The following ZNF407 variants were observed in gnomAD, a reference collection of about 807,000 sequenced individuals.
The protein encoded by ZNF407 is zinc finger protein 407.
A neutral mutation model predicts 131.2 loss-of-function variants in ZNF407; 17 were observed. That is an observed-to-expected ratio of 0.13 (90% CI 0.09 to 0.19). The LOEUF is 0.19. Ranked by LOEUF, ZNF407 falls within the 10% of genes least tolerant of loss-of-function variation. ZNF407 has a pLI of 1.00. For missense variants in ZNF407, 2,681 were observed against 2,830.6 expected, an observed-to-expected ratio of 0.95 and a Z score of 1.20; for synonymous variants, 1,156 against 1,062.0, an observed-to-expected ratio of 1.09 and a Z score of -1.72.
At chr18:74,618,300 G>A (rs1983396971) in intron 1 of ZNF407, among the ~76,000 whole-genome samples, 1 of 152,106 alleles carries the variant, frequency 6.6e-6, no homozygotes, top group African/African-American at 2.4e-5. Flanking sequence ...GCTTTCAGTT[G>A]GGCATAGTAC....
At chr18:75,020,415 A>G (rs896757229) in intron 8 of ZNF407, among the ~76,000 whole-genome samples, 1 of 152,110 alleles carries the variant, frequency 6.6e-6, no homozygotes, top group African/African-American at 2.4e-5. Context: ...TTCCCTGCAC[A>G]TAAGGGCACT....
chr18:74,769,360 C>T (rs1170942942), intron 3 of ZNF407, among the ~76,000 whole-genome samples: 1 of 151,744 alleles, frequency 6.6e-6, no homozygotes, highest in Admixed American at 6.5e-5. Flanking sequence ...GTTTTACCTC[C>T]TTCAGAAGAG....
chr18:74,604,740 T>C (rs947696466), intron 1 of ZNF407, among the ~76,000 whole-genome samples: 4 of 152,246 alleles, frequency 2.6e-5, no homozygotes, highest in African/African-American at 9.6e-5. Context: ...GTTCTTTATA[T>C]AAACACTGTG....
chr18:74,662,592 G>T (rs1985761327), intron 3 of ZNF407, among the ~76,000 whole-genome samples: 2 of 152,174 alleles, frequency 1.3e-5, no homozygotes, highest in Non-Finnish European at 2.9e-5. Flanking sequence ...CATATAAAGT[G>T]AGTTTACTCT....
At chr18:74,704,770 A>G (rs7359727) in intron 3 of ZNF407, among the ~76,000 whole-genome samples, 2 of 152,098 alleles carry the variant, frequency 1.3e-5, no homozygotes, top group South Asian at 4.1e-4. Context: ...TGTTTCTGCA[A>G]TAAGTGTCTT....
At chr18:74,788,869 T>C (rs1296286280) in intron 4 of ZNF407, among the ~76,000 whole-genome samples, 1 of 150,662 alleles carries the variant, frequency 6.6e-6, no homozygotes, top group African/African-American at 2.4e-5. Context: ...ATATTTTTTA[T>C]TCTTTAGGAA....
At chr18:74,972,144 T>C (rs1322407711) in intron 8 of ZNF407, among the ~76,000 whole-genome samples, 1 of 152,232 alleles carries the variant, frequency 6.6e-6, no homozygotes, top group African/African-American at 2.4e-5. Flanking sequence ...ACAATTCAAG[T>C]TGAGATTTGG....
intron 6 of ZNF407, among the ~76,000 whole-genome samples, chr18:74,889,213 A>G (rs1298438723): frequency 1.3e-5 from 2 of 152,074 alleles, no homozygotes; most frequent in Non-Finnish European, 2.9e-5. Flanking sequence ...TCTCACCACA[A>G]TGCAGTCGCC....
intron 3 of ZNF407, among the ~76,000 whole-genome samples, chr18:74,741,126 G>A (rs1206367632): frequency 6.6e-6 from 1 of 152,160 alleles, no homozygotes. Context: ...AAGTCCTTCA[G>A]TGGATAATAT....
chr18:74,834,772 G>A (rs1280522684), intron 4 of ZNF407, among the ~76,000 whole-genome samples: 4 of 152,144 alleles, frequency 2.6e-5, no homozygotes, highest in African/African-American at 7.2e-5. Context: ...TTTCAGACAC[G>A]AGGAATAGTG....
chr18:74,718,210 C>T (rs903851363), intron 3 of ZNF407, among the ~76,000 whole-genome samples: 1 of 151,248 alleles, frequency 6.6e-6, no homozygotes. Context: ...TTGCAGCCCC[C>T]CCCCTCCCCT....
chr18:74,917,095 C>T (rs950009528), intron 7 of ZNF407, among the ~76,000 whole-genome samples: 2 of 152,000 alleles, frequency 1.3e-5, no homozygotes, highest in African/African-American at 4.8e-5. Context: ...AGAGATAGAT[C>T]ATATATTTGA....
At chr18:75,029,573 G>GTGCGTGTGTGTGTGTGCC (rs1568305768) in intron 8 of ZNF407, among the ~76,000 whole-genome samples, 14 of 152,092 alleles carry the variant, frequency 9.2e-5, no homozygotes, top group African/African-American at 3.1e-4. Context: ...GGCGGAGTGT[G>GTGCGTGTGTGTGTGTGCC]TGTGCGTGCG....
chr18:74,643,229 A>G (rs958438268), intron 3 of ZNF407, among the ~76,000 whole-genome samples: 2 of 152,140 alleles, frequency 1.3e-5, no homozygotes, highest in African/African-American at 4.8e-5. Flanking sequence ...TCAATTCATT[A>G]TCATTGATGG....
intron 8 of ZNF407, among the ~76,000 whole-genome samples, chr18:74,984,997 C>T (rs1321413354): frequency 1.3e-5 from 2 of 152,192 alleles, no homozygotes; most frequent in East Asian, 3.8e-4. Flanking sequence ...TTGTAGTGTG[C>T]TAGCTCTCAG....
chr18:74,876,991 C>A (rs888277438), intron 4 of ZNF407, among the ~76,000 whole-genome samples: 32 of 152,174 alleles, frequency 2.1e-4, no homozygotes, highest in Non-Finnish European at 4.4e-4. Context: ...TGGGCCCAAC[C>A]GCAAAGCAGA....
chr18:74,684,340 A>T (rs1177404113), intron 3 of ZNF407, among the ~76,000 whole-genome samples: 3 of 152,202 alleles, frequency 2.0e-5, no homozygotes, highest in Non-Finnish European at 4.4e-5. Flanking sequence ...ATTTTTTTAA[A>T]AATTTAATTT....
At chr18:74,613,225 G>A (rs1037090256) in intron 1 of ZNF407, among the ~76,000 whole-genome samples, 2 of 152,142 alleles carry the variant, frequency 1.3e-5, no homozygotes, top group Admixed American at 6.5e-5. Flanking sequence ...GGGAATCAAC[G>A]TTTGCCTATT....
chr18:74,811,622 C>G (rs1199271105), intron 4 of ZNF407, among the ~76,000 whole-genome samples: 1 of 151,742 alleles, frequency 6.6e-6, no homozygotes, highest in Non-Finnish European at 1.5e-5. Context: ...TTGGAACCAA[C>G]CCAAATGTCC....
Sources: gnomAD v4.1 joint callset for allele counts (sites outside exome capture counted in the v4.1 genomes callset) on GRCh38, gnomAD v4.1.1 for gene constraint, MANE v1.5 for transcripts, NCBI Gene and HGNC (gene_info 2026-07-23, HGNC 2026-07-21) for gene names.